The following LRP5 variants were observed in gnomAD, a reference collection of about 807,000 sequenced individuals.
LRP5 encodes LDL receptor related protein 5, also known as low-density lipoprotein receptor-related protein 5.
LRP5 carries 62 observed loss-of-function variants against 154.1 expected under a neutral mutation model. That is an observed-to-expected ratio of 0.40 (90% CI 0.33 to 0.50). The LOEUF (loss-of-function observed/expected upper bound fraction) is 0.50, where lower values mean the gene tolerates loss of function less well. LRP5 is among the 20% of genes least tolerant of loss of function. The pLI, the probability that LRP5 is intolerant of heterozygous loss-of-function variation, is 0.55. For missense variants in LRP5, 1,915 were observed against 2,336.7 expected, an observed-to-expected ratio of 0.82 and a Z score of 3.72; for synonymous variants, 966 against 1,011.5, an observed-to-expected ratio of 0.96 and a Z score of 0.85.
At chr11:68,420,893 A>G (rs535619653) in intron 13 of LRP5, among the ~76,000 whole-genome samples, 23 of 152,236 alleles carry the variant, frequency 1.5e-4, no homozygotes, top group Non-Finnish European at 2.6e-4. Context: ...TTCTGGTAAG[A>G]AAGTTTGCAC....
In LRP5 at chr11:68,411,423, T is replaced by G. The variant is rs1284323402; in HGVS notation, c.2319-13T>G. The G allele has an allele frequency of 1.2e-6, 2 of 1,609,516 alleles. No homozygotes were observed. The highest frequency in any genetic ancestry group is 1.3e-5 in the African/African-American group (1 of 75,012). ...GACTCACTGAGCCTGCCCTTCTCCC[T>G]TGTGCCTTCCAGCTACATCTACTGG... is the stretch of plus-strand genomic sequence containing the variant. On this transcript the variant is annotated splice_polypyrimidine_tract_variant and intron_variant, in intron 10 of 22. Coordinates refer to ENST00000294304, the MANE Select transcript of LRP5 (RefSeq NM_002335.4).
At chr11:68,310,924 G>A (rs1338761113), upstream of LRP5, among the ~76,000 whole-genome samples, 1 of 152,036 alleles carries the variant, frequency 6.6e-6, no homozygotes, top group Non-Finnish European at 1.5e-5. Flanking sequence ...AGGAAGAAGT[G>A]TGGTTGGAGC....
chr11:68,360,737 C>T (rs142686739), intron 3 of LRP5, among the ~76,000 whole-genome samples: 7,269 of 152,248 alleles, frequency 0.048, 575 homozygotes, highest in African/African-American at 0.16. Flanking sequence ...ATGGCTTACG[C>T]GTGTAATCCC....
rs924821993 is a variant in LRP5, at chr11:68,353,447, G to A, written c.489-4203G>A. ...GCTCCATGTCTCCGGAGAGGGAGAG[G>A]GAGAGGGAGAGGATTCCAGCCTGTC... On this transcript the variant is annotated intron_variant, in intron 2 of 22. Coordinates refer to ENST00000294304, the MANE Select transcript of LRP5 (RefSeq NM_002335.4). This position sits in a 1 kb window ranked among gnomAD's most constrained non-coding sequence, Gnocchi z 4.5. Among the ~76,000 whole-genome samples, 2 of 152,198 alleles carry A rather than the reference G, an allele frequency of 1.3e-5. No individual in the cohort carries two copies. Among genetic ancestry groups the A allele is most frequent in the African/African-American group, 2.4e-5 (1 of 41,450 alleles).
intron 18 of LRP5, among the ~76,000 whole-genome samples, 155 bp from the exon 19 acceptor site, chr11:68,436,734 T>C (rs759459346): frequency 5.3e-5 from 8 of 151,884 alleles, no homozygotes; most frequent in Non-Finnish European, 1.2e-4. Context: ...TCATCGAGGG[T>C]GGGTGGAGAC....
intron 1 of LRP5, among the ~76,000 whole-genome samples, chr11:68,340,922 G>A (rs928733372): frequency 5.3e-5 from 8 of 152,024 alleles, no homozygotes; most frequent in South Asian, 2.1e-4. Context: ...CATGGTTCAC[G>A]GTTATGCTGG....
Position 68,348,086 on chromosome 11 carries a change from G to A in LRP5, c.331G>A (p.Asp111Asn). Reference protein sequence around the residue: ...NVVISGLVSPDGLACDWVGKK... With the variant: ...NVVISGLVSPNGLACDWVGKK... ...GGTCATCTCCGGCCTGGTCTCTCCC[G>A]ACGGCCTCGCCTGCGACTGGGTGGG... Residue 111 changes from aspartate to asparagine, a missense_variant, in exon 2 of 23, where the codon GAC becomes AAC. Around this residue, in one of 3 missense-constraint regions of LRP5, gnomAD observed 773 missense variants for 1,100.9 expected, o/e 0.70. Coordinates refer to ENST00000294304, the MANE Select transcript of LRP5 (RefSeq NM_002335.4). 2 of 1,614,098 alleles carry A rather than the reference G, an allele frequency of 1.2e-6. No homozygotes were observed. The highest frequency in any genetic ancestry group is 1.3e-5 in the African/African-American group (1 of 75,042).
At chr11:68,357,579 C>G (rs2098624152) in intron 2 of LRP5, 71 bp from the exon 3 acceptor site, 2 of 1,384,030 alleles carry the variant, frequency 1.4e-6, no homozygotes, top group Admixed American at 3.7e-5. Context: ...TGTTTCATGT[C>G]TGCATCTATG....
chr11:68,448,052 G>C (rs1174463235), intron 22 of LRP5, among the ~76,000 whole-genome samples: 1 of 152,212 alleles, frequency 6.6e-6, no homozygotes, highest in Non-Finnish European at 1.5e-5. Context: ...CCACCTGCCT[G>C]GGGTGGCCTC....
intron 21 of LRP5, among the ~76,000 whole-genome samples, chr11:68,443,575 A>ATTTTT (rs1160811489): frequency 2.4e-5 from 1 of 41,360 alleles, no homozygotes; most frequent in Non-Finnish European, 4.4e-5. Context: ...ATATATATAT[A>ATTTTT]TATATATATA....
At chr11:68,429,105 A>G (rs1297697591) in intron 16 of LRP5, among the ~76,000 whole-genome samples, 1 of 145,834 alleles carries the variant, frequency 6.9e-6, no homozygotes, top group East Asian at 2.1e-4. Flanking sequence ...TCAAAAAAAA[A>G]AGCCAGGCAT....
chr11:68,423,468 C>G lies in LRP5; in HGVS notation c.3028-21C>G, dbSNP rs1214327734. ...GGGGTCTCCGCCAGTGCTCAGGAGT[C>G]TTGGTTTCTTTGTCTTACAGCCCTT... On this transcript the variant is annotated intron_variant, in intron 13 of 22. Coordinates refer to ENST00000294304, the MANE Select transcript of LRP5 (RefSeq NM_002335.4). This position sits in a 1 kb window ranked among gnomAD's most constrained non-coding sequence, Gnocchi z 4.7. 2 of 1,612,064 alleles carry G rather than the reference C, an allele frequency of 1.2e-6. No individual in the cohort carries two copies. Among genetic ancestry groups the G allele is most frequent in the Non-Finnish European group, 1.7e-6 (2 of 1,178,240 alleles).
rs542188388 is a variant in LRP5 at position 68,425,258 on chromosome 11, G to A, written c.3393G>A (p.Ala1131=). 41 of 1,610,888 alleles carry A rather than the reference G, an allele frequency of 2.5e-5. No individual in the cohort carries two copies. Among genetic ancestry groups the A allele is most frequent in the Admixed American group, 1.2e-4 (7 of 60,028 alleles). The change falls in exon 15 of 23, where the codon GCG becomes GCA. Residue 1131 remains alanine (A), a synonymous_variant. Transcript: ENST00000294304. ...NTLGKLFWVD[A]DLKRIESCDL... ...TGGGCAAGCTGTTCTGGGTGGACGC[G>A]GACCTGAAGCGCATTGAGAGCTGTG...
chr11:68,409,536 G>A (rs1045367608), intron 9 of LRP5, among the ~76,000 whole-genome samples: 1 of 151,768 alleles, frequency 6.6e-6, no homozygotes, highest in African/African-American at 2.4e-5. Flanking sequence ...CAAGCATCTC[G>A]GGAGATGTCT....
chr11:68,407,565 G>A (rs1201032523), intron 9 of LRP5, among the ~76,000 whole-genome samples: 2 of 151,306 alleles, frequency 1.3e-5, no homozygotes, highest in African/African-American at 4.9e-5. Flanking sequence ...TGGTGGCTGG[G>A]TGCGGTGGCT....
At position 68,363,930 on chromosome 11, in the gene LRP5, G is replaced by A. The variant is rs1197679750; in HGVS notation, c.870G>A (p.Glu290=). ...SPMDIQVLSQ[E]RQPFFHTRCE... ...TGGACATCCAGGTGCTGAGCCAGGAGCGGCAGCCTTTCTGTGAGTGCCGGC... is the reference window on the plus strand; with the variant it reads ...TGGACATCCAGGTGCTGAGCCAGGAACGGCAGCCTTTCTGTGAGTGCCGGC... The change falls in exon 4 of 23, where the codon GAG becomes GAA. Residue 290 remains glutamate (E), a synonymous_variant. Coordinates refer to ENST00000294304, the MANE Select transcript of LRP5 (RefSeq NM_002335.4). 3 of 1,611,378 alleles carry A rather than the reference G, an allele frequency of 1.9e-6. No homozygotes were observed. The South Asian group carries it at 3.3e-5, about 18-fold the overall frequency.
intron 7 of LRP5, among the ~76,000 whole-genome samples, chr11:68,401,393 C>A (rs1030337083): frequency 6.6e-6 from 1 of 152,192 alleles, no homozygotes; most frequent in African/African-American, 2.4e-5. Context: ...CATGTTCCCG[C>A]CCGCCTGCTC....
intron 5 of LRP5, among the ~76,000 whole-genome samples, chr11:68,375,065 A>C (rs1200923905): frequency 2.6e-5 from 4 of 152,224 alleles, no homozygotes; most frequent in Non-Finnish European, 5.9e-5. Context: ...CTTTATCTTC[A>C]GTGGCGAGCT....
At chr11:68,327,536 G>A (rs2098600419) in intron 1 of LRP5, among the ~76,000 whole-genome samples, 1 of 152,204 alleles carries the variant, frequency 6.6e-6, no homozygotes, top group Non-Finnish European at 1.5e-5. Context: ...GAAAGAACCT[G>A]GGAATTGATC....
Sources: allele counts gnomAD v4.1 joint callset (sites outside exome capture counted in the v4.1 genomes callset), GRCh38; gene constraint gnomAD v4.1.1; regional missense constraint gnomAD v4.1.1; non-coding constraint Gnocchi (gnomAD v3.1); transcripts MANE v1.5; gene names NCBI Gene and HGNC (gene_info 2026-07-23, HGNC 2026-07-21).